The following VPS50 variants were observed in gnomAD, a reference collection of about 807,000 sequenced individuals.
VPS50 encodes VPS50 subunit of EARP/GARPII complex.
A neutral mutation model predicts 139.7 loss-of-function variants in VPS50; 70 were observed. The ratio of observed to expected loss-of-function variants is 0.50; its 90% confidence interval spans 0.41 to 0.61. The LOEUF (loss-of-function observed/expected upper bound fraction) is 0.61. Ranked by LOEUF, VPS50 falls within the 20% of genes least tolerant of loss-of-function variation. VPS50 has a pLI of 0.00. For synonymous variants in VPS50, 365 were observed against 376.7 expected, an observed-to-expected ratio of 0.97 and a Z score of 0.36; for missense variants, 921 against 1,133.7, an observed-to-expected ratio of 0.81 and a Z score of 2.69.
chr7:93,328,247 A>G (rs1584474853), intron 21 of VPS50, among the ~76,000 whole-genome samples: 1 of 152,290 alleles, frequency 6.6e-6, no homozygotes, highest in East Asian at 1.9e-4. Context: ...TGTGAAGACC[A>G]TTCTGTAACT....
At chr7:93,344,722 A>G (rs1383665923) in intron 23 of VPS50, among the ~76,000 whole-genome samples, 1 of 151,646 alleles carries the variant, frequency 6.6e-6, no homozygotes, top group East Asian at 1.9e-4. Context: ...CTGCTCCTGA[A>G]TAACTACTGG....
intron 1 of VPS50, among the ~76,000 whole-genome samples, chr7:93,233,021 T>C (rs1337593509): frequency 1.3e-5 from 2 of 152,244 alleles, no homozygotes; most frequent in African/African-American, 4.8e-5. Flanking sequence ...TTCACAGTTC[T>C]GTTATGAGGG....
intron 21 of VPS50, 72 bp from the exon 22 acceptor site, chr7:93,334,045 T>G: frequency 1.2e-6 from 1 of 859,216 alleles, no homozygotes; most frequent in South Asian, 1.4e-5. Context: ...ATCAAATATC[T>G]TGGTTAATTT....
At chr7:93,306,077 C>T (rs1797108503) in intron 18 of VPS50, 73 bp downstream of exon 18, 1 of 1,116,254 alleles carries the variant, frequency 9.0e-7, no homozygotes, top group Non-Finnish European at 1.3e-6. Flanking sequence ...CAAGGCAATT[C>T]ACTACATTTA....
chr7:93,252,250 A>C (rs1795357198), intron 2 of VPS50, among the ~76,000 whole-genome samples: 1 of 152,098 alleles, frequency 6.6e-6, no homozygotes, highest in Non-Finnish European at 1.5e-5. Context: ...GTGACCCAGA[A>C]GTTATTGAGG....
chr7:93,302,548 C>A (rs1262347260), intron 16 of VPS50, among the ~76,000 whole-genome samples: 1 of 151,852 alleles, frequency 6.6e-6, no homozygotes, highest in African/African-American at 2.4e-5. Context: ...TTGAAATTCT[C>A]TTTTCTATCC....
intron 23 of VPS50, among the ~76,000 whole-genome samples, chr7:93,345,808 G>C (rs1798374973): frequency 6.6e-6 from 1 of 152,112 alleles, no homozygotes; most frequent in Admixed American, 6.6e-5. Flanking sequence ...CAATAAATTA[G>C]GTATTGATGG....
chr7:93,283,321 G>A (rs964916114), intron 12 of VPS50, among the ~76,000 whole-genome samples: 2 of 150,154 alleles, frequency 1.3e-5, no homozygotes, highest in East Asian at 2.0e-4. Context: ...TCCACCTCCC[G>A]CGTTCAACAG....
intron 11 of VPS50, chr7:93,273,566 G>C (rs1001196727): frequency 2.6e-5 from 4 of 151,946 alleles, no homozygotes; most frequent in African/African-American, 9.7e-5. Context: ...AATTTTGAGG[G>C]ATATGTTTAA....
At chr7:93,292,387 A>G (rs1796675960) in intron 13 of VPS50, among the ~76,000 whole-genome samples, 1 of 152,144 alleles carries the variant, frequency 6.6e-6, no homozygotes, top group Non-Finnish European at 1.5e-5. Context: ...AATAAAGAAT[A>G]CGTCTTTGAA....
intron 27 of VPS50, among the ~76,000 whole-genome samples, chr7:93,356,802 A>C (rs1382987228): frequency 6.6e-6 from 1 of 152,184 alleles, no homozygotes; most frequent in Non-Finnish European, 1.5e-5. Context: ...TTCTTAACCT[A>C]TGAATGTCAT....
At chr7:93,352,003 TTCTAAG>T (rs1471678858) in intron 25 of VPS50, among the ~76,000 whole-genome samples, 2 of 152,200 alleles carry the variant, frequency 1.3e-5, no homozygotes, top group African/African-American at 2.4e-5. Context: ...TCTGTTACTT[TTCTAAG>T]TCTAAGCATC....
At chr7:93,245,437 A>G (rs911375687) in intron 2 of VPS50, among the ~76,000 whole-genome samples, 1 of 151,838 alleles carries the variant, frequency 6.6e-6, no homozygotes, top group African/African-American at 2.4e-5. Context: ...TCTTTTAGAG[A>G]AAGTGTCTGA....
intron 2 of VPS50, among the ~76,000 whole-genome samples, chr7:93,249,811 C>A (rs1313672522): frequency 6.6e-6 from 1 of 152,050 alleles, no homozygotes; most frequent in Non-Finnish European, 1.5e-5. Context: ...CCTCCTCTTC[C>A]ATTTCATTTC....
chr7:93,303,136 G>T (rs1291105905), intron 16 of VPS50, among the ~76,000 whole-genome samples: 1 of 151,790 alleles, frequency 6.6e-6, no homozygotes, highest in Non-Finnish European at 1.5e-5. Flanking sequence ...ATCAGCTAAG[G>T]ATATTTTAAG....
At chr7:93,252,528 G>A in intron 2 of VPS50, 125 bp from the exon 3 acceptor site, 1 of 663,090 alleles carries the variant, frequency 1.5e-6, no homozygotes, top group Non-Finnish European at 2.5e-6. Flanking sequence ...ATTTCTGTTG[G>A]TTTGTATCCT....
At chr7:93,241,656 G>C (rs1794994326) in intron 2 of VPS50, among the ~76,000 whole-genome samples, 2 of 151,914 alleles carry the variant, frequency 1.3e-5, no homozygotes, top group Admixed American at 6.6e-5. Flanking sequence ...GAGTTGCTGG[G>C]TCCAGAGAGT....
intron 12 of VPS50, among the ~76,000 whole-genome samples, chr7:93,288,443 T>C (rs1269454189): frequency 6.6e-6 from 1 of 152,174 alleles, no homozygotes; most frequent in Non-Finnish European, 1.5e-5. Context: ...ATAAATAACA[T>C]GGTGCATATG....
chr7:93,247,564 CCCA>C (rs1795192849), intron 2 of VPS50, among the ~76,000 whole-genome samples: 1 of 151,920 alleles, frequency 6.6e-6, no homozygotes, highest in African/African-American at 2.4e-5. Flanking sequence ...CAGATGTGAA[CCCA>C]CCGTCTGATG....
Sources: gnomAD v4.1 joint callset for allele counts (sites outside exome capture counted in the v4.1 genomes callset) on GRCh38, gnomAD v4.1.1 for gene constraint, MANE v1.5 for transcripts, NCBI Gene and HGNC (gene_info 2026-07-23, HGNC 2026-07-21) for gene names.